Variants in LAMA2 observed in about 807,000 individuals in gnomAD.
LAMA2 encodes the protein laminin subunit alpha 2.
In LAMA2, 269 loss-of-function variants were observed where a neutral mutation model predicts 364.8. The ratio of observed to expected loss-of-function variants is 0.74; its 90% CI spans 0.67 to 0.82. LAMA2 has a LOEUF of 0.82. LAMA2 is among the 40% of genes least tolerant of loss of function. LAMA2 has a pLI of 0.00. For synonymous variants in LAMA2, 1,379 were observed against 1,370.6 expected (o/e 1.01, Z -0.14); for missense variants, 3,807 against 3,873.2 (o/e 0.98, Z 0.45).
At chr6:129,425,479 TA>T (rs1347429858) in intron 40 of LAMA2, among the ~76,000 whole-genome samples, 3 of 152,050 alleles carry the variant, frequency 2.0e-5, no homozygotes, top group Admixed American at 6.6e-5. Context: ...GCAGGTTTTT[TA>T]TATAGGTAAA....
At chr6:129,316,542 A>C (rs1774623657) in intron 27 of LAMA2, among the ~76,000 whole-genome samples, 1 of 152,212 alleles carries the variant, frequency 6.6e-6, no homozygotes, top group African/African-American at 2.4e-5. Context: ...GGAACCAGGC[A>C]GGGCCAAGTT....
At chr6:129,069,449 C>T (rs1217647765) in intron 3 of LAMA2, among the ~76,000 whole-genome samples, 1 of 147,884 alleles carries the variant, frequency 6.8e-6, no homozygotes, top group East Asian at 1.9e-4. Flanking sequence ...GAATTAAAAA[C>T]AATTATATTA....
At chr6:128,930,478 T>G (rs911817784) in intron 1 of LAMA2, among the ~76,000 whole-genome samples, 2 of 152,170 alleles carry the variant, frequency 1.3e-5, no homozygotes, top group Non-Finnish European at 2.9e-5. Flanking sequence ...AGTGCATAAT[T>G]CGCCATGCTA....
chr6:129,393,244 A>T lies in LAMA2; in HGVS notation c.5434A>T (p.Thr1812Ser). 6.2e-7 allele frequency: 1 copy of T among 1,613,154 alleles called. No homozygotes were observed. The highest frequency in any genetic ancestry group is 8.5e-7 in the Non-Finnish European group (1 of 1,179,200). The change falls in exon 37 of 65, where the codon ACT becomes TCT. Residue 1812 changes from threonine to serine, a missense_variant. Thr to Ser is a moderately conservative substitution (Grantham distance 58, BLOSUM62 1). This residue lies in a region of LAMA2 where 3,333 missense variants were observed against 3,345.7 expected (regional missense o/e 1.00). Transcript: ENST00000421865. ...RLFAVNQKNM[T>S]ALEKKKEAVE... ...ATTTGCAGTAAATCAGAAAAACATG[A>T]CTGCATTGGAGGTGAGTCTTAGGGG...
intron 4 of LAMA2, among the ~76,000 whole-genome samples, chr6:129,116,637 A>G (rs1776500735): frequency 6.7e-6 from 1 of 149,154 alleles, no homozygotes; most frequent in African/African-American, 2.5e-5. Context: ...ATTAAAAGGC[A>G]GTTTTTAAAG....
At chr6:129,016,652 G>C (rs1002815391) in intron 1 of LAMA2, among the ~76,000 whole-genome samples, 1 of 151,884 alleles carries the variant, frequency 6.6e-6, no homozygotes, top group Non-Finnish European at 1.5e-5. Flanking sequence ...ATGCTAGATA[G>C]AAGTCAGGAT....
chr6:129,387,900 G>C (rs1779104194), intron 35 of LAMA2, among the ~76,000 whole-genome samples: 2 of 152,122 alleles, frequency 1.3e-5, no homozygotes, highest in African/African-American at 4.8e-5. Context: ...GAGTCTATTG[G>C]GGGTTGTGGG....
intron 1 of LAMA2, among the ~76,000 whole-genome samples, chr6:128,924,923 A>G (rs1778991780): frequency 6.6e-6 from 1 of 152,242 alleles, no homozygotes; most frequent in African/African-American, 2.4e-5. Context: ...TAAGTGTTTA[A>G]AAAATAGTAT....
intron 4 of LAMA2, among the ~76,000 whole-genome samples, chr6:129,112,387 AATTAGCTGTGG>A (rs1312388668): frequency 6.6e-6 from 1 of 151,940 alleles, no homozygotes; most frequent in African/African-American, 2.4e-5. Context: ...TTTTGTGTTG[AATTAGCTGTGG>A]AAGACCAGCT....
At chr6:129,129,811 C>T (rs940393484) in intron 4 of LAMA2, among the ~76,000 whole-genome samples, 1 of 149,066 alleles carries the variant, frequency 6.7e-6, no homozygotes, top group Non-Finnish European at 1.5e-5. Context: ...GTAGTCCCAG[C>T]TACTTGGGAG....
chr6:129,433,983 G>C (rs1437678341), intron 41 of LAMA2, among the ~76,000 whole-genome samples: 1 of 152,108 alleles, frequency 6.6e-6, no homozygotes. Context: ...GGACAGAAAT[G>C]ACATTTGAAC....
chr6:129,195,216 G>A (rs1393334311), intron 12 of LAMA2, among the ~76,000 whole-genome samples: 1 of 152,140 alleles, frequency 6.6e-6, no homozygotes, highest in Non-Finnish European at 1.5e-5. Context: ...TCTTCTAACA[G>A]AAGGGCGATA....
chr6:129,216,397 A>T (rs552523981), intron 12 of LAMA2, among the ~76,000 whole-genome samples: 2 of 152,312 alleles, frequency 1.3e-5, no homozygotes, highest in East Asian at 3.9e-4. Context: ...ATGAGGATGG[A>T]GACACATAGT....
intron 4 of LAMA2, among the ~76,000 whole-genome samples, chr6:129,136,268 G>T (rs1158270185): frequency 2.0e-5 from 3 of 152,130 alleles, no homozygotes; most frequent in Non-Finnish European, 4.4e-5. Context: ...TTTGTTGGTT[G>T]CTTTGAGTTG....
At chr6:129,167,991 G>A (rs1486745608) in intron 9 of LAMA2, among the ~76,000 whole-genome samples, 2 of 150,796 alleles carry the variant, frequency 1.3e-5, no homozygotes, top group Non-Finnish European at 3.0e-5. Flanking sequence ...CATGTCCTTC[G>A]CCCACTTGTT....
chr6:128,893,992 C>T (rs536282490), intron 1 of LAMA2, among the ~76,000 whole-genome samples: 1 of 152,082 alleles, frequency 6.6e-6, no homozygotes, highest in East Asian at 1.9e-4. Flanking sequence ...AAATATATAA[C>T]AACAAACATA....
chr6:129,385,830 T>C (rs1221391658), intron 35 of LAMA2, among the ~76,000 whole-genome samples: 9 of 152,194 alleles, frequency 5.9e-5, no homozygotes, highest in Non-Finnish European at 1.5e-5. Context: ...AGAGTATTAC[T>C]TTCTATTCTT....
At chr6:129,174,877 A>T (rs1032792799) in intron 9 of LAMA2, among the ~76,000 whole-genome samples, 1 of 152,072 alleles carries the variant, frequency 6.6e-6, no homozygotes, top group Non-Finnish European at 1.5e-5. Context: ...GTTTAATTTT[A>T]TTCTGTATCT....
At chr6:129,293,171 T>A in intron 20 of LAMA2, 1 of 696,354 alleles carries the variant, frequency 1.4e-6, no homozygotes, top group South Asian at 6.4e-5. Flanking sequence ...TTGCTAAGTG[T>A]GCAAATTGCA....
Sources: gnomAD v4.1 joint callset for allele counts (sites outside exome capture counted in the v4.1 genomes callset) on GRCh38, gnomAD v4.1.1 for gene constraint, gnomAD v4.1.1 regional missense constraint, MANE v1.5 for transcripts, NCBI Gene and HGNC (gene_info 2026-07-23, HGNC 2026-07-21) for gene names.